NCKAP1L: variants seen among roughly 807,000 people sequenced by gnomAD.
NCKAP1L encodes nck-associated protein 1-like.
In NCKAP1L, 53 loss-of-function variants were observed where a neutral mutation model predicts 139.2. That is an observed-to-expected ratio of 0.38 (90% CI 0.31 to 0.48). The LOEUF (loss-of-function observed/expected upper bound fraction) is 0.48. Among genes scored for constraint, NCKAP1L ranks in the 20% least tolerant of loss-of-function variants. The pLI, the probability that NCKAP1L is intolerant of heterozygous loss-of-function variation, is 0.98. For synonymous variants in NCKAP1L, 468 were observed against 499.7 expected (o/e 0.94, Z 0.85); for missense variants, 1,151 against 1,381.9 (o/e 0.83, Z 2.65).
At chr12:54,522,704 T>C (rs148432931) in intron 18 of NCKAP1L, among the ~76,000 whole-genome samples, 102 of 152,350 alleles carry the variant, frequency 6.7e-4, no homozygotes, top group African/African-American at 2.4e-3. Context: ...TATGCTGCTC[T>C]CAGAGTGATT....
chr12:54,507,382 T>C (rs570152400), intron 3 of NCKAP1L, among the ~76,000 whole-genome samples: 2 of 152,308 alleles, frequency 1.3e-5, no homozygotes, highest in Non-Finnish European at 2.9e-5. Flanking sequence ...TCACACATAG[T>C]GAATTGTCAG....
At chr12:54,536,899 G>T in intron 28 of NCKAP1L, 45 bp from the exon 29 acceptor site, 2 of 1,410,988 alleles carry the variant, frequency 1.4e-6, no homozygotes, top group Non-Finnish European at 2.0e-6. Context: ...GGCTTACTTT[G>T]TCATTTCCTC....
intron 10 of NCKAP1L, among the ~76,000 whole-genome samples, chr12:54,516,677 C>A (rs1956934659): frequency 6.6e-6 from 1 of 152,140 alleles, no homozygotes; most frequent in South Asian, 2.1e-4. Context: ...AACTCCTGAC[C>A]TCAGGTGATC....
rs113006767 is a variant in NCKAP1L, at chr12:54,514,393, T to C, written c.942-1846T>C. Among the ~76,000 whole-genome samples the C allele has an allele frequency of 4.5e-3, 678 of 152,006 alleles. 3 individuals carry two copies. Among genetic ancestry groups the C allele is most frequent in the African/African-American group, 0.015 (633 of 41,470 alleles). On this transcript the variant is annotated intron_variant, in intron 9 of 30. Coordinates refer to ENST00000293373, the MANE Select transcript of NCKAP1L (RefSeq NM_005337.5). ...CTGGAGTGCAATGGTGCCATCTTGG[T>C]TCACTGTAACCTCCACCTGCCGGGT...
At chr12:54,527,889 T>C (rs186590166) in intron 21 of NCKAP1L, among the ~76,000 whole-genome samples, 1 of 152,176 alleles carries the variant, frequency 6.6e-6, no homozygotes. Flanking sequence ...TCTAATTAAG[T>C]AGTGACTTTT....
rs374467222 is a variant in NCKAP1L, at chr12:54,516,493, C to T, written c.998+198C>T. ...ACAGAGTCTCGCTCTGTTGCCCACG[C>T]TGGGTGCAATGGCATGATCTCGGCT... On this transcript the variant is annotated intron_variant, in intron 10 of 30. Transcript: ENST00000293373. Among the ~76,000 whole-genome samples, 8 of 151,320 alleles carry T rather than the reference C, an allele frequency of 5.3e-5. No individual in the cohort carries two copies. The East Asian group carries it at 1.2e-3, about 22-fold the overall frequency.
Position 54,542,780 on chromosome 12 carries a change from GT to G in NCKAP1L, c.*96del. ...CACTTTCGCAGGGGGTGGGAATGGG[GT>G]GGGGTCACTAAGGAGAGAGGGTCAG... On this transcript the variant is annotated 3_prime_UTR_variant, in exon 31 of 31. Transcript: ENST00000293373. The G allele has an allele frequency of 1.5e-6, 1 of 666,988 alleles. No homozygotes were observed. Among genetic ancestry groups the G allele is most frequent in the Non-Finnish European group, 2.7e-6 (1 of 373,058 alleles). The allele number at this position is 666,988 out of a possible 1,614,324, so 41.3% of individuals were successfully genotyped here. A position where few individuals can be genotyped will look rare whatever the true frequency, so the allele number is the denominator to read the frequency against.
At chr12:54,523,749 C>T in intron 19 of NCKAP1L, 76 bp from the exon 20 acceptor site, 1 of 1,546,146 alleles carries the variant, frequency 6.5e-7, no homozygotes, top group Non-Finnish European at 8.7e-7. Flanking sequence ...GAAACTGGGT[C>T]ATGGGCCCAA....
At chr12:54,510,160 C>T (rs1331827759) in intron 7 of NCKAP1L, among the ~76,000 whole-genome samples, 175 bp downstream of exon 7, 1 of 152,128 alleles carries the variant, frequency 6.6e-6, no homozygotes, top group Non-Finnish European at 1.5e-5. Context: ...TGGTTTGGGG[C>T]TTTTGTTTGG....
At chr12:54,509,615 G>A in intron 5 of NCKAP1L, 54 bp from the exon 6 acceptor site, 1 of 1,262,994 alleles carries the variant, frequency 7.9e-7, no homozygotes, top group Non-Finnish European at 1.2e-6. Context: ...AAACATAAGA[G>A]TTCAAGTCAT....
At chr12:54,517,053 G>C in intron 11 of NCKAP1L, 61 bp downstream of exon 11, 1 of 1,437,516 alleles carries the variant, frequency 7.0e-7, no homozygotes, top group Non-Finnish European at 9.8e-7. Context: ...GTGTAGCTAC[G>C]TGGCACTCAC....
chr12:54,520,601 C>CA (rs1956973854), intron 16 of NCKAP1L, 93 bp from the exon 17 acceptor site: 13 of 1,370,592 alleles, frequency 9.5e-6, no homozygotes, highest in Middle Eastern at 1.8e-4. Flanking sequence ...GGGACTAGCT[C>CA]TTAAACTCTA....
At position 54,500,586 on chromosome 12, in the gene NCKAP1L, C is replaced by A. The variant is rs1443871664; in HGVS notation, c.267C>A (p.Thr89=). 3 of 1,612,098 alleles carry A rather than the reference C, an allele frequency of 1.9e-6. No homozygotes were observed. Among genetic ancestry groups the A allele is most frequent in the Non-Finnish European group, 2.5e-6 (3 of 1,178,450 alleles). ...REKAEIIRFL[T]NYYQSFVDVM... is the part of the protein sequence containing the mutation. ...AAGCCGAGATAATTAGATTCCTCAC[C>A]AACTACTACCAGTCATTTGTGGATG... The change falls in exon 3 of 31, where the codon ACC becomes ACA. Residue 89 remains threonine, a synonymous_variant. Transcript: ENST00000293373.
Position 54,508,422 on chromosome 12 carries a change from G to C in NCKAP1L, c.397G>C (p.Asp133His). Residue 133 changes from aspartate to histidine, a missense_variant, in exon 5 of 31, where the codon GAC (aspartate) becomes CAC (histidine). Physicochemically the swap from Asp to His is moderately conservative, Grantham distance 81 (BLOSUM62 -1). Coordinates refer to ENST00000293373, the MANE Select transcript of NCKAP1L (RefSeq NM_005337.5). ...CTTTGATTTCACTCGGAGTTACCTGGACTTGATTGTAACTTACACCTCAGT... is the reference window on the plus strand; with the variant it reads ...CTTTGATTTCACTCGGAGTTACCTGCACTTGATTGTAACTTACACCTCAGT... The part of the protein sequence containing the change: ...LNFDFTRSYL[D>H]LIVTYTSVIL... 2 of 1,613,980 alleles carry C rather than the reference G, an allele frequency of 1.2e-6. No individual in the cohort carries two copies. Among genetic ancestry groups the C allele is most frequent in the East Asian group, 4.5e-5 (2 of 44,886 alleles).
intron 26 of NCKAP1L, among the ~76,000 whole-genome samples, chr12:54,533,163 T>G (rs954477059): frequency 5.3e-5 from 8 of 152,206 alleles, no homozygotes; most frequent in Non-Finnish European, 4.4e-5. Flanking sequence ...AGATCTTTGA[T>G]TTTAAGCTGA....
rs767483355 is a variant in NCKAP1L at position 54,523,378 on chromosome 12, G to T, written c.1879-16G>T. 1 of 1,605,136 alleles carries T rather than the reference G, an allele frequency of 6.2e-7. No homozygotes were observed. ...ACAAATCCCCTTTCTCCATTTACCT[G>T]TGTTTGTTTCTGAAGCTTCTACCTA... On this transcript the variant is annotated splice_polypyrimidine_tract_variant and intron_variant, in intron 18 of 30. Coordinates refer to ENST00000293373, the MANE Select transcript of NCKAP1L (RefSeq NM_005337.5).
intron 28 of NCKAP1L, 154 bp downstream of exon 28, chr12:54,536,399 C>G: frequency 1.7e-6 from 1 of 576,430 alleles, no homozygotes. Flanking sequence ...GTGGCTCATG[C>G]CTGTAATCCT....
intron 18 of NCKAP1L, among the ~76,000 whole-genome samples, chr12:54,521,490 T>C (rs1565678512): frequency 6.6e-6 from 1 of 152,226 alleles, no homozygotes; most frequent in Non-Finnish European, 1.5e-5. Flanking sequence ...CAACAAAATC[T>C]GTGCTCTCAC....
In NCKAP1L at chr12:54,499,435, A is replaced by C; in HGVS notation, c.183A>C (p.Lys61Asn). The C allele has an allele frequency of 6.2e-7, 1 of 1,604,344 alleles. No homozygotes were observed. Among genetic ancestry groups the C allele is most frequent in the East Asian group, 2.2e-5 (1 of 44,830 alleles). ...CATCTCTCAAGTATATCAACAAGAA[A>C]TTTCCCAACATAGATGTCCGAAACA... ...MEPSLKYINK[K>N]FPNIDVRNST... The change falls in exon 2 of 31, where the codon AAA becomes AAC. Residue 61 changes from lysine (K) to asparagine (N), a missense_variant. Lys to Asn is a moderately conservative substitution (Grantham distance 94). Transcript: ENST00000293373.
Sources: gnomAD v4.1 joint callset for allele counts (sites outside exome capture counted in the v4.1 genomes callset) on GRCh38, gnomAD v4.1.1 for gene constraint, MANE v1.5 for transcripts, NCBI Gene and HGNC (gene_info 2026-07-23, HGNC 2026-07-21) for gene names.